Variants in CNBD1 observed in about 807,000 individuals in gnomAD.
CNBD1 encodes the protein cyclic nucleotide-binding domain-containing protein 1.
CNBD1 carries 71 observed loss-of-function variants against 54.4 expected under a neutral mutation model. That is an observed-to-expected ratio of 1.30 (90% CI 1.08 to 1.59). The LOEUF (loss-of-function observed/expected upper bound fraction) is 1.59, where lower values mean the gene tolerates loss of function less well. Ranked by LOEUF, CNBD1 falls within the 40% of genes most tolerant of loss-of-function variation. CNBD1 has a pLI of 0.00. For synonymous variants in CNBD1, 182 were observed against 170.7 expected (o/e 1.07, Z -0.51); for missense variants, 659 against 518.0 (o/e 1.27, Z -2.64).
chr8:87,346,322 G>A (rs542797640), intron 8 of CNBD1, among the ~76,000 whole-genome samples: 14 of 152,194 alleles, frequency 9.2e-5, no homozygotes, highest in African/African-American at 3.1e-4. Flanking sequence ...TATCACAGGT[G>A]TGAGCCACCG....
chr8:86,898,648 T>A (rs1808883059), intron 2 of CNBD1, among the ~76,000 whole-genome samples: 1 of 152,154 alleles, frequency 6.6e-6, no homozygotes, highest in African/African-American at 2.4e-5. Flanking sequence ...GGCAGAGACC[T>A]TACATTATTC....
intron 4 of CNBD1, among the ~76,000 whole-genome samples, chr8:87,155,841 C>T (rs946309700): frequency 1.3e-5 from 2 of 152,130 alleles, no homozygotes; most frequent in Non-Finnish European, 2.9e-5. Context: ...AAGAATACTA[C>T]CCAGTATCAA....
At chr8:87,321,813 T>C (rs13267149) in intron 8 of CNBD1, among the ~76,000 whole-genome samples, 56,328 of 149,532 alleles carry the variant, frequency 0.38, 10,976 homozygotes, top group Middle Eastern at 0.44. Flanking sequence ...CTTTTTTTTT[T>C]TTTTTATACT....
intron 4 of CNBD1, among the ~76,000 whole-genome samples, chr8:87,068,479 T>C (rs749139914): frequency 3.3e-5 from 5 of 152,030 alleles, no homozygotes; most frequent in Admixed American, 2.0e-4. Context: ...CTCCAGGTGA[T>C]TAAATACGTC....
chr8:87,276,092 A>C (rs10111623), intron 6 of CNBD1, among the ~76,000 whole-genome samples: 42,704 of 151,750 alleles, frequency 0.28, 6,462 homozygotes, highest in African/African-American at 0.39. Context: ...TCAATGGTAA[A>C]TTCATTACTC....
intron 4 of CNBD1, among the ~76,000 whole-genome samples, chr8:86,995,857 T>A (rs1471328484): frequency 6.6e-6 from 1 of 152,214 alleles, no homozygotes; most frequent in South Asian, 2.1e-4. Flanking sequence ...TGCTTACATT[T>A]AAATGTTGAG....
intron 4 of CNBD1, among the ~76,000 whole-genome samples, chr8:87,118,369 G>A (rs994651730): frequency 1.3e-5 from 2 of 150,036 alleles, no homozygotes; most frequent in African/African-American, 2.5e-5. Flanking sequence ...TGAGAATACC[G>A]CTGGTATTGT....
chr8:87,179,047 AC>A (rs1169937451), intron 4 of CNBD1, among the ~76,000 whole-genome samples: 1 of 152,134 alleles, frequency 6.6e-6, no homozygotes, highest in Non-Finnish European at 1.5e-5. Flanking sequence ...AGCAGCTGAG[AC>A]TACAGGTGCG....
At chr8:86,963,403 G>T (rs1356019440) in intron 4 of CNBD1, among the ~76,000 whole-genome samples, 1 of 152,142 alleles carries the variant, frequency 6.6e-6, no homozygotes, top group Admixed American at 6.5e-5. Flanking sequence ...TCTGCCTCAG[G>T]TCTATTGTTC....
chr8:87,421,261 TTTTA>T lies in CNBD1; in HGVS notation c.214-7277_214-7274del, dbSNP rs371321450. On this transcript the variant is annotated intron_variant, in intron 2 of 7. Coordinates refer to the CNBD1 transcript ENST00000521593. The stretch of plus-strand genomic sequence containing the variant: ...TTTTTATTTATGTTCATTTTTTATT[TTTTA>T]TTTATTTCTTTATTTTTTTATATTA... Among the ~76,000 whole-genome samples, 401 of 151,492 alleles carry T rather than the reference TTTTA, an allele frequency of 2.6e-3. 3 individuals are homozygous for T. Among genetic ancestry groups the T allele is most frequent in the African/African-American group, 9.0e-3 (372 of 41,460 alleles).
intron 4 of CNBD1, among the ~76,000 whole-genome samples, chr8:87,162,388 C>T (rs1216916818): frequency 6.6e-6 from 1 of 151,938 alleles, no homozygotes; most frequent in Non-Finnish European, 1.5e-5. Flanking sequence ...CTGCTCTCAC[C>T]ATTTTAAATA....
chr8:87,314,357 G>T (rs981055714), intron 8 of CNBD1, among the ~76,000 whole-genome samples: 4 of 151,580 alleles, frequency 2.6e-5, no homozygotes, highest in African/African-American at 9.7e-5. Context: ...ATAAGTCAGG[G>T]GAGGAAAATC....
At chr8:87,343,931 C>T (rs1378378911) in intron 8 of CNBD1, among the ~76,000 whole-genome samples, 2 of 151,812 alleles carry the variant, frequency 1.3e-5, no homozygotes, top group Admixed American at 6.6e-5. Context: ...ATAAATATAT[C>T]ATACTTGATA....
chr8:87,087,291 A>T (rs188144820), intron 4 of CNBD1, among the ~76,000 whole-genome samples: 7,816 of 146,104 alleles, frequency 0.053, 638 homozygotes, highest in African/African-American at 0.17. Context: ...ATATATATAT[A>T]TTTTTTATTG....
intron 5 of CNBD1, among the ~76,000 whole-genome samples, chr8:87,214,886 C>T (rs1294699264): frequency 2.6e-5 from 4 of 152,158 alleles, no homozygotes; most frequent in African/African-American, 9.7e-5. Flanking sequence ...CCTGGTCCCT[C>T]CCACAACACT....
chr8:87,408,753 T>A (rs1350430965), intron 2 of CNBD1, among the ~76,000 whole-genome samples: 3 of 152,168 alleles, frequency 2.0e-5, no homozygotes, highest in African/African-American at 4.8e-5. Context: ...TTAGTAATTC[T>A]CTCAGTAGCT....
chr8:87,295,391 TA>T (rs1349976319), intron 8 of CNBD1, among the ~76,000 whole-genome samples: 1 of 151,972 alleles, frequency 6.6e-6, no homozygotes, highest in Non-Finnish European at 1.5e-5. Flanking sequence ...AACAGTATAT[TA>T]GTTATGTAAA....
At chr8:87,213,968 A>G (rs186480299) in intron 5 of CNBD1, among the ~76,000 whole-genome samples, 2 of 152,344 alleles carry the variant, frequency 1.3e-5, no homozygotes, top group Non-Finnish European at 2.9e-5. Context: ...TAAAGGCCCC[A>G]TGCAAGTCCA....
intron 4 of CNBD1, among the ~76,000 whole-genome samples, chr8:87,100,636 T>G (rs116476478): frequency 0.016 from 2,379 of 152,246 alleles, 59 homozygotes; most frequent in African/African-American, 0.054. Context: ...CTACCATGCC[T>G]GGCTAATTTC....
Sources: gnomAD v4.1 joint callset for allele counts (sites outside exome capture counted in the v4.1 genomes callset) on GRCh38, gnomAD v4.1.1 for gene constraint, MANE v1.5 for transcripts, NCBI Gene and HGNC (gene_info 2026-07-23, HGNC 2026-07-21) for gene names.